Variants in TRHDE observed in about 807,000 individuals in gnomAD.
The protein encoded by TRHDE is thyrotropin releasing hormone degrading enzyme.
Under a neutral mutation model 125.7 loss-of-function variants are expected in TRHDE, and 72 were observed. The observed-to-expected ratio is 0.57, with a 90% CI of 0.47 to 0.70. The LOEUF is 0.70. Among genes scored for constraint, TRHDE ranks in the 30% least tolerant of loss-of-function variants. TRHDE has a pLI of 0.00. For synonymous variants in TRHDE, 509 were observed against 509.1 expected (o/e 1.00, Z 0.00); for missense variants, 1,110 against 1,327.1 (o/e 0.84, Z 2.54).
chr12:72,197,300 C>G (rs143184823), intron 2 of TRHDE, among the ~76,000 whole-genome samples: 1 of 152,210 alleles, frequency 6.6e-6, no homozygotes, highest in East Asian at 1.9e-4. Context: ...AAAATGGCAA[C>G]CCACAATGGT....
At chr12:72,281,006 A>G (rs1030220825) in intron 1 of TRHDE, among the ~76,000 whole-genome samples, 1 of 152,350 alleles carries the variant, frequency 6.6e-6, no homozygotes, top group Middle Eastern at 3.4e-3. Flanking sequence ...AATACCCTTC[A>G]ACAATGATGA....
chr12:72,409,539 GT>G (rs1292791670), intron 3 of TRHDE, among the ~76,000 whole-genome samples: 4 of 152,148 alleles, frequency 2.6e-5, no homozygotes. Flanking sequence ...GTTGAAACTG[GT>G]TTCCCAGATA....
At chr12:72,322,308 CA>C (rs1869132693) in intron 2 of TRHDE, among the ~76,000 whole-genome samples, 1 of 152,024 alleles carries the variant, frequency 6.6e-6, no homozygotes, top group Non-Finnish European at 1.5e-5. Context: ...GACTCTTTCT[CA>C]TGGTGATTAT....
chr12:72,247,265 A>G (rs956025463), intron 2 of TRHDE, among the ~76,000 whole-genome samples: 6 of 152,204 alleles, frequency 3.9e-5, no homozygotes, highest in Non-Finnish European at 8.8e-5. Context: ...TGCTCAGTAC[A>G]GATGTAACTA....
intron 2 of TRHDE, among the ~76,000 whole-genome samples, chr12:72,160,686 T>TAAAC (rs1876618502): frequency 6.6e-6 from 1 of 151,994 alleles, no homozygotes; most frequent in South Asian, 2.1e-4. Context: ...AAACTCCATC[T>TAAAC]AAACAAACAA....
rs1878840890 is a variant in TRHDE at position 72,257,281 on chromosome 12, G to C, written n.280-120714G>C. ...GTGGAAAATTCCACACCTGACTTTA[G>C]GTAATGGGTTACAGTCAAACAGTCA... On this transcript the variant is annotated intron_variant and non_coding_transcript_variant, in intron 2 of 4. Transcript: ENST00000548156. 3 of 152,032 alleles carry C rather than the reference G, an allele frequency of 2.0e-5. No individual in the cohort carries two copies. The South Asian group carries it at 6.2e-4, about 32-fold the overall frequency. The allele number at this position is 152,032 out of a possible 1,614,324, so 9.4% of individuals were successfully genotyped here.
intron 15 of TRHDE, among the ~76,000 whole-genome samples, chr12:72,644,812 C>T (rs1011858055): frequency 6.6e-6 from 1 of 152,212 alleles, no homozygotes; most frequent in Non-Finnish European, 1.5e-5. Flanking sequence ...TTCTACTTCT[C>T]AGTCTTGGCA....
At chr12:72,163,080 C>G (rs961164791) in intron 2 of TRHDE, 1 of 151,932 alleles carries the variant, frequency 6.6e-6, no homozygotes, top group Non-Finnish European at 1.5e-5. Context: ...AGATGGAAAG[C>G]CTGATGCTGC....
chr12:72,488,353 G>T (rs1877508908), intron 5 of TRHDE, among the ~76,000 whole-genome samples: 1 of 151,956 alleles, frequency 6.6e-6, no homozygotes, highest in South Asian at 2.1e-4. Flanking sequence ...AGAAAGCAGG[G>T]CTGGCTATAC....
At chr12:72,191,544 A>T (rs1490751740) in intron 2 of TRHDE, among the ~76,000 whole-genome samples, 2 of 152,222 alleles carry the variant, frequency 1.3e-5, no homozygotes, top group African/African-American at 4.8e-5. Context: ...AATTCTGCAG[A>T]CAACTGTTTA....
At chr12:72,305,996 C>G (rs1042156795) in intron 2 of TRHDE, among the ~76,000 whole-genome samples, 3 of 152,144 alleles carry the variant, frequency 2.0e-5, no homozygotes, top group African/African-American at 7.2e-5. Flanking sequence ...CTCCATTTTG[C>G]CAGGCTTACT....
At chr12:72,188,016 T>C (rs895668893) in intron 2 of TRHDE, among the ~76,000 whole-genome samples, 1 of 152,198 alleles carries the variant, frequency 6.6e-6, no homozygotes, top group Non-Finnish European at 1.5e-5. Context: ...AGCAAACAGA[T>C]GAAAACTCTG....
chr12:72,542,038 A>G (rs1443448009), intron 6 of TRHDE, among the ~76,000 whole-genome samples: 1 of 151,416 alleles, frequency 6.6e-6, no homozygotes, highest in Non-Finnish European at 1.5e-5. Flanking sequence ...ACAGCTTATC[A>G]TTGCCCTGAG....
At chr12:72,512,984 T>A (rs1296737134) in intron 6 of TRHDE, among the ~76,000 whole-genome samples, 2 of 152,104 alleles carry the variant, frequency 1.3e-5, no homozygotes, top group Non-Finnish European at 2.9e-5. Context: ...TGTTTTGGCA[T>A]TTGAGGAATG....
At chr12:72,608,058 T>C (rs1024547251) in intron 12 of TRHDE, among the ~76,000 whole-genome samples, 1 of 152,178 alleles carries the variant, frequency 6.6e-6, no homozygotes, top group African/African-American at 2.4e-5. Flanking sequence ...CCTGCATGTA[T>C]GAACTAGAGC....
intron 6 of TRHDE, among the ~76,000 whole-genome samples, chr12:72,534,712 T>TATTATC (rs1868761190): frequency 6.6e-6 from 1 of 152,132 alleles, no homozygotes; most frequent in South Asian, 2.1e-4. Flanking sequence ...ATGGAAATAT[T>TATTATC]ATTATCATTA....
chr12:72,245,641 A>G (rs1414525806), intron 2 of TRHDE, among the ~76,000 whole-genome samples: 1 of 152,070 alleles, frequency 6.6e-6, no homozygotes, highest in East Asian at 1.9e-4. Flanking sequence ...GTGTTTATAC[A>G]TCTATGTACA....
intron 1 of TRHDE, among the ~76,000 whole-genome samples, chr12:72,095,298 G>T (rs1874887766): frequency 6.6e-6 from 1 of 152,190 alleles, no homozygotes; most frequent in African/African-American, 2.4e-5. Flanking sequence ...ATAGCATAAA[G>T]GTTGGAGCTG....
At chr12:72,178,902 C>G (rs544521922) in intron 2 of TRHDE, among the ~76,000 whole-genome samples, 3 of 152,172 alleles carry the variant, frequency 2.0e-5, no homozygotes. Context: ...AGAAATATCT[C>G]TGAGATTACT....
Sources: gnomAD v4.1 joint callset for allele counts (sites outside exome capture counted in the v4.1 genomes callset) on GRCh38, gnomAD v4.1.1 for gene constraint, MANE v1.5 for transcripts, NCBI Gene and HGNC (gene_info 2026-07-23, HGNC 2026-07-21) for gene names.